Variants in SCN7A observed in about 807,000 individuals in gnomAD.
The protein encoded by SCN7A is sodium voltage-gated channel alpha subunit 7.
A neutral mutation model predicts 155.2 loss-of-function variants in SCN7A; 138 were observed. That is an observed-to-expected ratio of 0.89 (90% CI 0.77 to 1.02). The LOEUF (loss-of-function observed/expected upper bound fraction) is 1.02, where lower values mean the gene tolerates loss of function less well. Ranked by LOEUF, SCN7A falls within the 50% of genes least tolerant of loss-of-function variation. The probability of loss-of-function intolerance (pLI) is 0.00; values close to 1 mark genes in which losing one functional copy is unlikely to be tolerated. For missense variants in SCN7A, 2,058 were observed against 1,986.6 expected, an observed-to-expected ratio of 1.04 and a Z score of -0.68; for synonymous variants, 693 against 649.0, an observed-to-expected ratio of 1.07 and a Z score of -1.03.
At chr2:166,453,931 T>C (rs1461668863) in intron 11 of SCN7A, among the ~76,000 whole-genome samples, 1 of 152,114 alleles carries the variant, frequency 6.6e-6, no homozygotes, top group Non-Finnish European at 1.5e-5. Context: ...TACTCTTACT[T>C]CCTAGAAAAT....
chr2:166,489,491 G>C (rs901789726), intron 1 of SCN7A, among the ~76,000 whole-genome samples: 1 of 152,150 alleles, frequency 6.6e-6, no homozygotes, highest in South Asian at 2.1e-4. Flanking sequence ...GAGGAATAAA[G>C]GACAGCTTGA....
chr2:166,438,146 C>G (rs1265940308), intron 15 of SCN7A, among the ~76,000 whole-genome samples: 2 of 152,040 alleles, frequency 1.3e-5, no homozygotes, highest in Non-Finnish European at 2.9e-5. Context: ...ATGGGAGGGA[C>G]TTGGTGGGAA....
chr2:166,414,265 C>T (rs1162460701), intron 21 of SCN7A, among the ~76,000 whole-genome samples: 9 of 22,670 alleles, frequency 4.0e-4, no homozygotes, highest in African/African-American at 1.7e-3. Flanking sequence ...GATATATATA[C>T]ACACACATAT....
intron 12 of SCN7A, among the ~76,000 whole-genome samples, chr2:166,447,224 A>T (rs6741870): frequency 0.69 from 105,497 of 152,020 alleles, 36,740 homozygotes; most frequent in African/African-American, 0.74. Flanking sequence ...ATGTCTAGAT[A>T]TACATGCTTT....
intron 8 of SCN7A, 85 bp downstream of exon 8, chr2:166,465,696 G>A: frequency 7.0e-7 from 1 of 1,435,668 alleles, no homozygotes; most frequent in South Asian, 1.2e-5. Flanking sequence ...CTAACAAAAT[G>A]TTGAGTGTTC....
chr2:166,482,605 T>C (rs758946024), intron 2 of SCN7A, among the ~76,000 whole-genome samples: 2 of 151,940 alleles, frequency 1.3e-5, no homozygotes, highest in Non-Finnish European at 2.9e-5. Context: ...GTTTCATCAG[T>C]ACTGGTTTCA....
intron 3 of SCN7A, among the ~76,000 whole-genome samples, chr2:166,476,387 T>C (rs572974653): frequency 3.4e-4 from 52 of 152,068 alleles, no homozygotes; most frequent in Non-Finnish European, 6.0e-4. Context: ...ACGTTTGCTA[T>C]GAAGCTAATC....
At position 166,477,635 on chromosome 2, in the gene SCN7A, A is replaced by C; in HGVS notation, c.62T>G (p.Ile21Arg). Reference protein sequence around the residue: ...VPFTKESFELIKQHIAKTHNE... With the variant: ...VPFTKESFELRKQHIAKTHNE... Reference sequence around the variant, plus strand: ...ATGTGTTTTAGCAATATGCTGTTTTATAAGTTCAAAAGACTCTTTAGTGAA... The same window carrying C: ...ATGTGTTTTAGCAATATGCTGTTTTCTAAGTTCAAAAGACTCTTTAGTGAA... Residue 21 changes from isoleucine to arginine, a missense_variant, in exon 3 of 26, where the codon ATA (isoleucine) becomes AGA (arginine). Transcript: ENST00000643258. The C allele has an allele frequency of 6.2e-7, 1 of 1,606,770 alleles. No individual in the cohort carries two copies. Among genetic ancestry groups the C allele is most frequent in the Non-Finnish European group, 8.5e-7 (1 of 1,176,004 alleles).
intron 20 of SCN7A, among the ~76,000 whole-genome samples, chr2:166,418,113 ATTTTTTTATTTATTTTAT>A (rs1409842475): frequency 6.7e-6 from 1 of 149,866 alleles, no homozygotes; most frequent in African/African-American, 2.4e-5. Flanking sequence ...TAGCTTTTTT[ATTTTTTTATTTATTTTAT>A]TTTATTTATT....
chr2:166,447,987 C>A (rs1039203596), intron 11 of SCN7A, among the ~76,000 whole-genome samples: 4 of 152,068 alleles, frequency 2.6e-5, no homozygotes, highest in Admixed American at 6.6e-5. Flanking sequence ...TCTCCTACAG[C>A]TATTTTGAAC....
At chr2:166,461,048 C>CTTT (rs34717897) in intron 10 of SCN7A, among the ~76,000 whole-genome samples, 26 of 96,670 alleles carry the variant, frequency 2.7e-4, no homozygotes, top group African/African-American at 4.0e-4. Context: ...GTAATATTTT[C>CTTT]TTTTTTTTTT....
At position 166,434,905 on chromosome 2, in the gene SCN7A, T is replaced by C. The variant is rs561511117; in HGVS notation, c.2158-2153A>G. ...ATAGGTAATAAACAAATATTTATTT[T>C]AAAAAATAATTGATTATAGAAAGAA... On this transcript the variant is annotated intron_variant, in intron 15 of 25. Transcript: ENST00000643258. Among the ~76,000 whole-genome samples the C allele has an allele frequency of 5.9e-5, 9 of 152,150 alleles. No homozygotes were observed. The East Asian group carries it at 1.7e-3, about 29-fold the overall frequency.
intron 19 of SCN7A, among the ~76,000 whole-genome samples, chr2:166,422,533 A>G (rs927053732): frequency 1.3e-5 from 2 of 152,140 alleles, no homozygotes; most frequent in African/African-American, 2.4e-5. Context: ...GGAAGGAAAA[A>G]TAAGTGCACA....
chr2:166,413,878 C>T (rs905377623), intron 21 of SCN7A, among the ~76,000 whole-genome samples: 2 of 146,198 alleles, frequency 1.4e-5, no homozygotes, highest in African/African-American at 2.5e-5. Context: ...GACTGGCTCT[C>T]CTTGCTCCTC....
chr2:166,471,730 G>T (rs528620867), intron 6 of SCN7A, among the ~76,000 whole-genome samples: 4 of 150,342 alleles, frequency 2.7e-5, no homozygotes, highest in South Asian at 2.1e-4. Context: ...AAATGTGGGG[G>T]GGGGGGTGGT....
In SCN7A at chr2:166,405,902, T is replaced by C. The variant is rs2105354125; in HGVS notation, c.4727A>G (p.Asp1576Gly). The C allele has an allele frequency of 6.2e-7, 1 of 1,613,120 alleles. No homozygotes were observed. ...TCTCTTTGTAAAAGCAAGTAAGATATCGAGGCAATGAATTCTGTCCCCAAC... is the reference window on the plus strand; with the variant it reads ...TCTCTTTGTAAAAGCAAGTAAGATACCGAGGCAATGAATTCTGTCCCCAAC... ...MAVGDRIHCL[D>G]ILLAFTKRVM... The change falls in exon 26 of 26, where the codon GAT becomes GGT. Residue 1576 changes from aspartate to glycine, a missense_variant. Asp to Gly is a moderately conservative substitution (Grantham distance 94). Coordinates refer to ENST00000643258, the MANE Select transcript of SCN7A (RefSeq NM_002976.4).
chr2:166,442,495 C>T (rs1701982428), intron 14 of SCN7A, among the ~76,000 whole-genome samples: 1 of 152,072 alleles, frequency 6.6e-6, no homozygotes, highest in Non-Finnish European at 1.5e-5. Flanking sequence ...CCAAGTGATC[C>T]TCCCACCTTA....
intron 7 of SCN7A, among the ~76,000 whole-genome samples, chr2:166,466,785 G>A (rs1203539843): frequency 6.6e-6 from 1 of 151,780 alleles, no homozygotes; most frequent in East Asian, 1.9e-4. Flanking sequence ...TACTAACTCT[G>A]TGATGTTAAC....
intron 20 of SCN7A, among the ~76,000 whole-genome samples, chr2:166,418,979 T>C (rs1339964865): frequency 1.3e-5 from 2 of 152,174 alleles, no homozygotes; most frequent in Admixed American, 6.5e-5. Context: ...ACTATTTTCC[T>C]GACCTTGAAT....
Sources: gnomAD v4.1 joint callset for allele counts (sites outside exome capture counted in the v4.1 genomes callset) on GRCh38, gnomAD v4.1.1 for gene constraint, MANE v1.5 for transcripts, NCBI Gene and HGNC (gene_info 2026-07-23, HGNC 2026-07-21) for gene names.